The following CD38 variants were observed in gnomAD, a reference collection of about 807,000 sequenced individuals.
CD38 encodes ADP-ribosyl cyclase/cyclic ADP-ribose hydrolase 1.
CD38 carries 31 observed loss-of-function variants against 36.3 expected under a neutral mutation model. That is an observed-to-expected ratio of 0.85 (90% CI 0.64 to 1.15). CD38 has a LOEUF of 1.15. CD38 is among the 50% of genes most tolerant of loss of function. The probability of loss-of-function intolerance (pLI) is 0.00; values close to 1 mark genes in which losing one functional copy is unlikely to be tolerated. For missense variants in CD38, 380 were observed against 371.9 expected, an observed-to-expected ratio of 1.02 and a Z score of -0.18; for synonymous variants, 131 against 135.2, an observed-to-expected ratio of 0.97 and a Z score of 0.22.
rs1383417539 is a variant in CD38, at chr4:15,852,820, T to TTG, written c.*4219_*4220insGT. ...ACGGGGCATTTATTCTTTTTTTTTTTTTTTTTTGGGAGACGGAGTCTCGCT... is the reference window on the plus strand; with the variant it reads ...ACGGGGCATTTATTCTTTTTTTTTTTTGTTTTTTTGGGAGACGGAGTCTCGCT... On this transcript the variant is annotated 3_prime_UTR_variant, in exon 8 of 8. Transcript: ENST00000226279. 6 of 149,174 alleles carry TTG rather than the reference T, an allele frequency of 4.0e-5. No homozygotes were observed. The highest frequency in any genetic ancestry group is 8.9e-5 in the Non-Finnish European group (6 of 67,232). 9.2% of individuals were successfully genotyped at this position (149,174 alleles called of 1,614,324 possible).
intron 1 of CD38, among the ~76,000 whole-genome samples, chr4:15,813,919 G>T (rs1723528656): frequency 1.3e-5 from 2 of 152,276 alleles, no homozygotes; most frequent in South Asian, 4.1e-4. Flanking sequence ...ATGTGTGGAT[G>T]TGTCTTTATA....
At chr4:15,792,818 G>A (rs771984377) in intron 1 of CD38, among the ~76,000 whole-genome samples, 17 of 152,014 alleles carry the variant, frequency 1.1e-4, no homozygotes, top group Admixed American at 2.0e-4. Flanking sequence ...ATCCAATATC[G>A]ATCAGAAGTT....
intron 1 of CD38, among the ~76,000 whole-genome samples, chr4:15,790,194 T>C (rs867374484): frequency 0.036 from 3,236 of 91,124 alleles, 133 homozygotes; most frequent in African/African-American, 0.11. Flanking sequence ...TCTCCCTCTC[T>C]CTCCACGGTC....
chr4:15,830,407 T>C (rs74620364), intron 3 of CD38, among the ~76,000 whole-genome samples: 1 of 152,238 alleles, frequency 6.6e-6, no homozygotes, highest in African/African-American at 2.4e-5. Flanking sequence ...GAAATATGTA[T>C]TCAAATCTTT....
rs1269804439 is a variant in CD38 at position 15,816,386 on chromosome 4, T to C, written c.234-125T>C. Reference sequence around the variant, plus strand: ...CTGGTAGACTGCATGTTAGACGAGATAATATGTATGAACTACCTGGCATAT... The same window carrying C: ...CTGGTAGACTGCATGTTAGACGAGACAATATGTATGAACTACCTGGCATAT... On this transcript the variant is annotated intron_variant, in intron 1 of 7. Coordinates refer to ENST00000226279, the MANE Select transcript of CD38 (RefSeq NM_001775.4). 1.4e-5 allele frequency: 10 copies of C among 713,856 alleles called. No homozygotes were observed. The African/African-American group carries it at 1.4e-4, about 10-fold the overall frequency. 44.2% of individuals were successfully genotyped at this position (713,856 alleles called of 1,614,324 possible).
chr4:15,810,326 C>T (rs1723441656), intron 1 of CD38, among the ~76,000 whole-genome samples: 1 of 152,176 alleles, frequency 6.6e-6, no homozygotes, highest in Admixed American at 6.5e-5. Flanking sequence ...GCATCTGGTA[C>T]ATGTAGGTGC....
chr4:15,821,927 G>A (rs908886154), intron 2 of CD38, among the ~76,000 whole-genome samples: 3 of 151,174 alleles, frequency 2.0e-5, no homozygotes, highest in Admixed American at 6.6e-5. Context: ...GAAGAACATC[G>A]ATACAAAAAT....
intron 7 of CD38, among the ~76,000 whole-genome samples, chr4:15,847,752 T>C (rs16892453): frequency 0.043 from 6,590 of 152,234 alleles, 210 homozygotes; most frequent in East Asian, 0.14. Context: ...CTTTTACCTT[T>C]TTTGTCTTAT....
At chr4:15,840,575 T>A in intron 7 of CD38, 37 bp downstream of exon 7, 1 of 1,203,608 alleles carries the variant, frequency 8.3e-7, no homozygotes, top group South Asian at 1.3e-5. Context: ...AATGACTGTC[T>A]TGTCACCTGT....
chr4:15,807,898 A>G (rs1161035591), intron 1 of CD38, among the ~76,000 whole-genome samples: 2 of 152,204 alleles, frequency 1.3e-5, no homozygotes, highest in South Asian at 2.1e-4. Context: ...ACAATTCTCT[A>G]TGGAATAAAT....
chr4:15,841,018 C>T (rs1254599708), intron 7 of CD38, among the ~76,000 whole-genome samples: 1 of 151,482 alleles, frequency 6.6e-6, no homozygotes, highest in African/African-American at 2.4e-5. Context: ...CGGCAGTCTA[C>T]CAAAATCTAT....
At chr4:15,841,631 C>T in intron 7 of CD38, among the ~76,000 whole-genome samples, 1 of 150,176 alleles carries the variant, frequency 6.7e-6, no homozygotes, top group Non-Finnish European at 1.5e-5. Flanking sequence ...GTGATTTCTG[C>T]ATTTCCATCT....
chr4:15,833,831 A>T (rs3796865), intron 3 of CD38, among the ~76,000 whole-genome samples: 8,945 of 152,260 alleles, frequency 0.059, 362 homozygotes, highest in East Asian at 0.18. Flanking sequence ...GGCAGGAAAC[A>T]CAGCAAGAGA....
rs1048375655 is a variant in CD38 at position 15,849,277 on chromosome 4, C to T, written c.*675C>T. Reference sequence around the variant, plus strand: ...TTGCCACCGAAAGGAATGGCAAAACCACAATTATTTTTGAACCAACCTAAT... The same window carrying T: ...TTGCCACCGAAAGGAATGGCAAAACTACAATTATTTTTGAACCAACCTAAT... On this transcript the variant is annotated 3_prime_UTR_variant, in exon 8 of 8. Coordinates refer to ENST00000226279, the MANE Select transcript of CD38 (RefSeq NM_001775.4). 5 of 152,072 alleles carry T rather than the reference C, an allele frequency of 3.3e-5. No homozygotes were observed. Among genetic ancestry groups the T allele is most frequent in the Non-Finnish European group, 5.9e-5 (4 of 68,012 alleles). The allele number at this position is 152,072 out of a possible 1,614,324, so 9.4% of individuals were successfully genotyped here. A position where few individuals can be genotyped will look rare whatever the true frequency, so the allele number is the denominator to read the frequency against.
At chr4:15,835,039 A>G (rs1724037001) in intron 4 of CD38, among the ~76,000 whole-genome samples, 1 of 152,108 alleles carries the variant, frequency 6.6e-6, no homozygotes, top group Non-Finnish European at 1.5e-5. Flanking sequence ...TTGTGTTGGG[A>G]GCATTGAATA....
chr4:15,816,898 GAAAAAACCTAACACC>G, intron 2 of CD38: 1 of 426,378 alleles, frequency 2.3e-6, no homozygotes, highest in South Asian at 2.6e-5. Context: ...AAACTAGGCA[GAAAAAACCTAACACC>G]AAACCCAACT....
chr4:15,818,536 G>C (rs996177339), intron 2 of CD38, among the ~76,000 whole-genome samples: 1 of 152,190 alleles, frequency 6.6e-6, no homozygotes, highest in Admixed American at 6.5e-5. Flanking sequence ...GTGAGTCCCT[G>C]ACCCCTGTGT....
At chr4:15,787,293 TTAAG>T (rs1722860286) in intron 1 of CD38, among the ~76,000 whole-genome samples, 1 of 152,338 alleles carries the variant, frequency 6.6e-6, no homozygotes, top group African/African-American at 2.4e-5. Flanking sequence ...CTGAGAGAGA[TTAAG>T]TAATTTGGTG....
intron 1 of CD38, among the ~76,000 whole-genome samples, chr4:15,780,885 G>A (rs1047296723): frequency 6.6e-6 from 1 of 152,142 alleles, no homozygotes; most frequent in Non-Finnish European, 1.5e-5. Flanking sequence ...CAGGCAGGTG[G>A]ATCACTTAAG....
Sources: allele counts gnomAD v4.1 joint callset (sites outside exome capture counted in the v4.1 genomes callset), GRCh38; gene constraint gnomAD v4.1.1; transcripts MANE v1.5; gene names NCBI Gene and HGNC (gene_info 2026-07-23, HGNC 2026-07-21).